Variants in TMTC4 observed in about 807,000 individuals in gnomAD.
TMTC4 encodes protein O-mannosyl-transferase TMTC4.
In TMTC4, 65 loss-of-function variants were observed where a neutral mutation model predicts 86.0. The ratio of observed to expected loss-of-function variants is 0.76; its 90% CI spans 0.62 to 0.93. The LOEUF is 0.93. TMTC4 is among the 40% of genes least tolerant of loss of function. The pLI, the probability that TMTC4 is intolerant of heterozygous loss-of-function variation, is 0.00. For missense variants in TMTC4, 866 were observed against 948.1 expected (o/e 0.91, Z 1.14); for synonymous variants, 379 against 382.5 (o/e 0.99, Z 0.11).
intron 4 of TMTC4, 101 bp downstream of exon 4, chr13:100,664,120 C>A: frequency 9.7e-7 from 1 of 1,025,742 alleles, no homozygotes; most frequent in Non-Finnish European, 1.4e-6. Flanking sequence ...GAGCCACTGA[C>A]TAGACTCCTG....
chr13:100,617,650 T>G (rs1878726230), intron 15 of TMTC4, among the ~76,000 whole-genome samples: 2 of 152,200 alleles, frequency 1.3e-5, no homozygotes. Context: ...GCTGTAGATG[T>G]GTGGCTTTAT....
chr13:100,606,968 ATGCCCC>A (rs1206695611), intron 17 of TMTC4, among the ~76,000 whole-genome samples: 1 of 152,112 alleles, frequency 6.6e-6, no homozygotes, highest in Non-Finnish European at 1.5e-5. Context: ...CCATCACCAA[ATGCCCC>A]TGATGGGTGT....
chr13:100,610,485 C>T (rs1158695164), intron 17 of TMTC4, among the ~76,000 whole-genome samples: 1 of 151,878 alleles, frequency 6.6e-6, no homozygotes, highest in Non-Finnish European at 1.5e-5. Context: ...CATCATGTCC[C>T]CCAACTTGGT....
chr13:100,637,468 G>A, intron 9 of TMTC4, 70 bp downstream of exon 9: 1 of 1,539,382 alleles, frequency 6.5e-7, no homozygotes, highest in Non-Finnish European at 8.8e-7. Context: ...AGACGAGGAG[G>A]AGGGGTGAGG....
At chr13:100,615,562 C>T (rs982777544) in intron 15 of TMTC4, among the ~76,000 whole-genome samples, 5 of 152,192 alleles carry the variant, frequency 3.3e-5, no homozygotes, top group African/African-American at 7.2e-5. Context: ...GAACAATTCT[C>T]GTGCCTCAGC....
chr13:100,648,407 T>A (rs1383330811), intron 6 of TMTC4, among the ~76,000 whole-genome samples: 1 of 152,184 alleles, frequency 6.6e-6, no homozygotes, highest in South Asian at 2.1e-4. Context: ...TCAAGGCAAA[T>A]AAAATATATT....
chr13:100,674,337 A>C (rs1184908263), intron 1 of TMTC4: 1 of 977,714 alleles, frequency 1.0e-6, no homozygotes, highest in Non-Finnish European at 1.2e-6. Context: ...GCTGGCGGCC[A>C]GGCGCGGGGC....
Position 100,626,154 on chromosome 13 carries a change from C to T in TMTC4, c.1507-4G>A, listed in dbSNP as rs182880852. 4 of 1,613,968 alleles carry T rather than the reference C, an allele frequency of 2.5e-6. No individual in the cohort carries two copies. The African/African-American group carries it at 4.0e-5, about 16-fold the overall frequency. ...TTTTGCCAATGTTGTAGTGAACCTG[C>T]AGACAGAGAATAATTGGGCCATCAG... On this transcript the variant is annotated splice_polypyrimidine_tract_variant and splice_region_variant and intron_variant, in intron 12 of 18. Transcript: ENST00000342624.
At chr13:100,614,483 T>A in intron 15 of TMTC4, 53 bp from the exon 16 acceptor site, 1 of 1,253,408 alleles carries the variant, frequency 8.0e-7, no homozygotes, top group Non-Finnish European at 1.1e-6. Context: ...TGCTTCCTCT[T>A]TCCAAGACAT....
intron 3 of TMTC4, among the ~76,000 whole-genome samples, chr13:100,668,011 A>C (rs1204563924): frequency 2.0e-5 from 3 of 152,224 alleles, no homozygotes; most frequent in Non-Finnish European, 2.9e-5. Context: ...CTGCAAGTTC[A>C]GCAACACCGA....
intron 3 of TMTC4, among the ~76,000 whole-genome samples, chr13:100,664,804 C>A (rs1430530498): frequency 1.3e-5 from 2 of 152,188 alleles, no homozygotes; most frequent in African/African-American, 2.4e-5. Context: ...ATGTGTGGCA[C>A]CCTGGCAACT....
chr13:100,657,927 G>A (rs1354101729), intron 5 of TMTC4, among the ~76,000 whole-genome samples: 1 of 152,090 alleles, frequency 6.6e-6, no homozygotes, highest in African/African-American at 2.4e-5. Flanking sequence ...GGCAGCCCGT[G>A]GTGTCAGGTG....
intron 17 of TMTC4, among the ~76,000 whole-genome samples, 168 bp downstream of exon 17, chr13:100,612,230 G>A (rs1389940651): frequency 6.6e-6 from 1 of 152,214 alleles, no homozygotes; most frequent in African/African-American, 2.4e-5. Flanking sequence ...GCCCCACACC[G>A]CTGTCTTTGA....
chr13:100,660,188 G>T (rs961853968), intron 5 of TMTC4, among the ~76,000 whole-genome samples: 2 of 151,388 alleles, frequency 1.3e-5, no homozygotes, highest in South Asian at 4.2e-4. Flanking sequence ...AAAATTAACC[G>T]GATGTGGTGG....
chr13:100,635,328 G>T, intron 10 of TMTC4, 133 bp from the exon 11 acceptor site: 1 of 1,021,412 alleles, frequency 9.8e-7, no homozygotes, highest in Non-Finnish European at 1.4e-6. Flanking sequence ...ATTGTTGTCA[G>T]CCAAAGGATA....
intron 7 of TMTC4, among the ~76,000 whole-genome samples, chr13:100,640,827 GA>G (rs201653784): frequency 0.011 from 1,717 of 150,978 alleles, 31 homozygotes; most frequent in African/African-American, 0.039. Context: ...AAAAAAAAGG[GA>G]AAAAAAATTC....
rs1882027589 is a variant in TMTC4 at position 100,635,088 on chromosome 13, C to T, written c.1310G>A (p.Ser437Asn). 5 of 1,614,004 alleles carry T rather than the reference C, an allele frequency of 3.1e-6. No homozygotes were observed. The African/African-American group carries it at 4.0e-5, about 13-fold the overall frequency. Residue 437 changes from serine (S) to asparagine (N), a missense_variant, in exon 11 of 19, where the codon AGC (serine) becomes AAC (asparagine). Physicochemically the swap from Ser to Asn is conservative, Grantham distance 46. Coordinates refer to ENST00000342624, the MANE Select transcript of TMTC4 (RefSeq NM_032813.5). ...AGTCAGCAGCACACAGTACCCAACGCTGGGGAGGTAGAGGACACGCTCTGC... is the reference window on the plus strand; with the variant it reads ...AGTCAGCAGCACACAGTACCCAACGTTGGGGAGGTAGAGGACACGCTCTGC... Reference protein sequence around the residue: ...VVAERVLYLPSVGYCVLLTFG... With the variant: ...VVAERVLYLPNVGYCVLLTFG...
chr13:100,637,877 G>A, intron 8 of TMTC4, 53 bp downstream of exon 8: 1 of 1,550,828 alleles, frequency 6.4e-7, no homozygotes, highest in Non-Finnish European at 8.8e-7. Flanking sequence ...TTTTAAATCA[G>A]CTGGTACTTG....
In TMTC4 at chr13:100,629,192, T is replaced by C. The variant is rs1273645239; in HGVS notation, c.1507-3042A>G. ...AGTGAAAGAAAAAGAAAAGTATTTGTTGATGATCAAAAGCTCCTTTCGGGA... is the reference window on the plus strand; with the variant it reads ...AGTGAAAGAAAAAGAAAAGTATTTGCTGATGATCAAAAGCTCCTTTCGGGA... On this transcript the variant is annotated intron_variant, in intron 12 of 18. Coordinates refer to ENST00000342624, the MANE Select transcript of TMTC4 (RefSeq NM_032813.5). Among the ~76,000 whole-genome samples the C allele has an allele frequency of 4.6e-5, 7 of 152,116 alleles. No homozygotes were observed. In the East Asian group the frequency reaches 1.4e-3, roughly 29 times the overall value.
Sources: allele counts gnomAD v4.1 joint callset (sites outside exome capture counted in the v4.1 genomes callset), GRCh38; gene constraint gnomAD v4.1.1; transcripts MANE v1.5; gene names NCBI Gene and HGNC (gene_info 2026-07-23, HGNC 2026-07-21).